OR6N1: variants seen among roughly 807,000 people sequenced by gnomAD.
OR6N1 encodes olfactory receptor family 6 subfamily N member 1.
For missense variants in OR6N1, 394 were observed against 371.7 expected, an observed-to-expected ratio of 1.06 and a Z score of -0.49; for synonymous variants, 170 against 150.7, an observed-to-expected ratio of 1.13 and a Z score of -0.94.
At chr1:158,799,344 C>A in the OR6N1 span, among the ~76,000 whole-genome samples, 1 of 152,196 alleles carries the variant, frequency 6.6e-6, no homozygotes, top group African/African-American at 2.4e-5. Context: ...CCAATAATTA[C>A]TCTGCAGGCT....
the OR6N1 span, among the ~76,000 whole-genome samples, chr1:158,807,558 C>T: frequency 6.6e-6 from 1 of 152,156 alleles, no homozygotes; most frequent in African/African-American, 2.4e-5. Flanking sequence ...GGTTTTTTCT[C>T]CATCAAACTA....
intron 1 of OR6N1, among the ~76,000 whole-genome samples, chr1:158,770,986 T>G (rs1276203374): frequency 1.3e-5 from 2 of 152,382 alleles, no homozygotes; most frequent in Non-Finnish European, 1.5e-5. Context: ...TCCAGAGTCA[T>G]GTGTTCAAAC....
chr1:158,826,636 G>T, the OR6N1 span, among the ~76,000 whole-genome samples: 19 of 152,242 alleles, frequency 1.2e-4, no homozygotes, highest in East Asian at 3.7e-3. Context: ...AACGTGTAGA[G>T]TATTACAGAG....
chr1:158,791,573 G>T, the OR6N1 span, among the ~76,000 whole-genome samples: 5 of 151,398 alleles, frequency 3.3e-5, no homozygotes, highest in Admixed American at 2.0e-4. Flanking sequence ...GGGTTCAAGC[G>T]ATTCTCTTGC....
the OR6N1 span, among the ~76,000 whole-genome samples, chr1:158,803,661 G>T: frequency 6.6e-6 from 1 of 152,180 alleles, no homozygotes; most frequent in African/African-American, 2.4e-5. Context: ...TACCTGTATG[G>T]CTTGGCATTG....
At chr1:158,813,120 A>T in the OR6N1 span, among the ~76,000 whole-genome samples, 1 of 152,194 alleles carries the variant, frequency 6.6e-6, no homozygotes, top group Non-Finnish European at 1.5e-5. Flanking sequence ...AAAAACATAC[A>T]TTGTTGGAGA....
chr1:158,834,381 C>T, the OR6N1 span, among the ~76,000 whole-genome samples: 1 of 152,012 alleles, frequency 6.6e-6, no homozygotes, highest in South Asian at 2.1e-4. Context: ...TACAGACACG[C>T]GCCACCATGC....
chr1:158,833,463 C>A, the OR6N1 span, among the ~76,000 whole-genome samples: 1 of 152,172 alleles, frequency 6.6e-6, no homozygotes, highest in Non-Finnish European at 1.5e-5. Context: ...AAACTCTAAC[C>A]GTTAACCAAC....
the OR6N1 span, among the ~76,000 whole-genome samples, chr1:158,779,059 T>C: frequency 1.1e-4 from 14 of 130,396 alleles, no homozygotes; most frequent in African/African-American, 4.1e-4. Flanking sequence ...ACAAACATGA[T>C]AGAGTGGCAA....
At chr1:158,769,948 C>T (rs1449452039) in intron 1 of OR6N1, among the ~76,000 whole-genome samples, 1 of 152,176 alleles carries the variant, frequency 6.6e-6, no homozygotes, top group African/African-American at 2.4e-5. Context: ...TACCTGCCTT[C>T]TATAAAGGAT....
chr1:158,826,173 T>C, the OR6N1 span, among the ~76,000 whole-genome samples: 1 of 151,886 alleles, frequency 6.6e-6, no homozygotes, highest in Non-Finnish European at 1.5e-5. Flanking sequence ...TTACATATCA[T>C]GCTAATTACC....
chr1:158,765,720 C>G lies in OR6N1; in HGVS notation c.*24G>C, dbSNP rs1363230646. 1 of 1,585,072 alleles carries G rather than the reference C, an allele frequency of 6.3e-7. No homozygotes were observed. ...GGGGCCACCATATCCTCAGGCCCGG[C>G]CTTGGCCTACTCTCAGCCCCAACTC... On this transcript the variant is annotated 3_prime_UTR_variant, in exon 2 of 2. Coordinates refer to ENST00000641846, the MANE Select transcript of OR6N1 (RefSeq NM_001005185.2).
the OR6N1 span, among the ~76,000 whole-genome samples, chr1:158,839,671 C>A: frequency 2.0e-5 from 3 of 152,192 alleles, no homozygotes; most frequent in Admixed American, 6.5e-5. Context: ...GAAGTTTCCT[C>A]CTGATCACGT....
chr1:158,801,880 A>T, the OR6N1 span, among the ~76,000 whole-genome samples: 4 of 152,018 alleles, frequency 2.6e-5, no homozygotes, highest in Admixed American at 2.6e-4. Flanking sequence ...CCTGCCCATT[A>T]CCTGATGGTT....
chr1:158,826,426 G>T, the OR6N1 span, among the ~76,000 whole-genome samples: 28 of 152,278 alleles, frequency 1.8e-4, no homozygotes, highest in African/African-American at 6.5e-4. Flanking sequence ...CAATTTAGGT[G>T]AATTTTCTGC....
At chr1:158,808,907 A>G in the OR6N1 span, 3 of 152,934 alleles carry the variant, frequency 2.0e-5, no homozygotes, top group East Asian at 5.8e-4. Context: ...GGCCCCAGCT[A>G]GTCGTAACTG....
At chr1:158,822,534 A>G in the OR6N1 span, among the ~76,000 whole-genome samples, 1 of 151,998 alleles carries the variant, frequency 6.6e-6, no homozygotes, top group Non-Finnish European at 1.5e-5. Context: ...TATGCTACTG[A>G]TTTTCCTACA....
the OR6N1 span, among the ~76,000 whole-genome samples, chr1:158,816,756 T>C: frequency 6.6e-6 from 1 of 152,222 alleles, no homozygotes; most frequent in Non-Finnish European, 1.5e-5. Context: ...CACTTGAATT[T>C]GGACCAACAC....
chr1:158,812,489 A>G, the OR6N1 span, among the ~76,000 whole-genome samples: 1 of 152,216 alleles, frequency 6.6e-6, no homozygotes, highest in African/African-American at 2.4e-5. Context: ...GAAGTTAGAG[A>G]AAAGAATGAG....
Sources: gnomAD v4.1 joint callset for allele counts (sites outside exome capture counted in the v4.1 genomes callset) on GRCh38, gnomAD v4.1.1 for gene constraint, MANE v1.5 for transcripts, NCBI Gene and HGNC (gene_info 2026-07-23, HGNC 2026-07-21) for gene names.